Variants in ARL15 observed in about 807,000 individuals in gnomAD.
ARL15 encodes the protein ADP-ribosylation factor-like protein 15.
A neutral mutation model predicts 25.2 loss-of-function variants in ARL15; 19 were observed. The ratio of observed to expected loss-of-function variants is 0.75; its 90% CI spans 0.53 to 1.10. The LOEUF (loss-of-function observed/expected upper bound fraction) is 1.10, where lower values mean the gene tolerates loss of function less well. Among genes scored for constraint, ARL15 ranks in the 50% least tolerant of loss-of-function variants. ARL15 has a pLI of 0.00. For missense variants in ARL15, 220 were observed against 246.0 expected (o/e 0.89, Z 0.71); for synonymous variants, 94 against 86.8 (o/e 1.08, Z -0.46).
rs771075344 is a variant in ARL15, at chr5:53,991,563, G to GAAAAAAAAAAAAAA, written c.463-104851_463-104850insTTTTTTTTTTTTTT. Among the ~76,000 whole-genome samples the GAAAAAAAAAAAAAA allele has an allele frequency of 2.3e-5, 3 of 127,918 alleles. 1 individual carries two copies. Among genetic ancestry groups the GAAAAAAAAAAAAAA allele is most frequent in the Admixed American group, 1.7e-4 (2 of 11,766 alleles). 83.9% of individuals were successfully genotyped at this position (127,918 alleles called of 152,430 possible). A position where few individuals can be genotyped will look rare whatever the true frequency, so the allele number is the denominator to read the frequency against. On this transcript the variant is annotated intron_variant, in intron 4 of 4. Transcript: ENST00000504924. ...ATCTCAAAAAAAAAAAAAAAAAAAG[G>GAAAAAAAAAAAAAA]GGGGGCGGGGGGCAATTGAAGCAAT...
intron 4 of ARL15, among the ~76,000 whole-genome samples, chr5:54,087,279 G>A (rs1751993926): frequency 6.6e-6 from 1 of 151,984 alleles, no homozygotes; most frequent in Admixed American, 6.5e-5. Flanking sequence ...AGTGAACTGA[G>A]ATCAAGCCAC....
At chr5:53,887,951 A>G (rs1342201449) in intron 4 of ARL15, among the ~76,000 whole-genome samples, 1 of 151,586 alleles carries the variant, frequency 6.6e-6, no homozygotes, top group East Asian at 1.9e-4. Flanking sequence ...GCCAGAAGAC[A>G]TATATATCTA....
intron 1 of ARL15, among the ~76,000 whole-genome samples, chr5:54,297,152 T>C (rs1350514410): frequency 6.6e-6 from 1 of 152,230 alleles, no homozygotes; most frequent in Non-Finnish European, 1.5e-5. Flanking sequence ...CCTATTTTTT[T>C]CTACTAAGAG....
chr5:54,134,290 T>C (rs950968333), intron 3 of ARL15, among the ~76,000 whole-genome samples: 5 of 152,156 alleles, frequency 3.3e-5, no homozygotes, highest in Non-Finnish European at 5.9e-5. Context: ...TTCAGGAAAG[T>C]ATTTGACAAG....
intron 4 of ARL15, among the ~76,000 whole-genome samples, chr5:54,100,775 C>T (rs1174511767): frequency 6.6e-6 from 1 of 151,964 alleles, no homozygotes; most frequent in Non-Finnish European, 1.5e-5. Flanking sequence ...AAAGAAAATT[C>T]ATTAAGTTGG....
intron 3 of ARL15, among the ~76,000 whole-genome samples, chr5:54,142,886 G>A (rs1347258544): frequency 6.6e-6 from 1 of 152,060 alleles, no homozygotes; most frequent in Admixed American, 6.5e-5. Flanking sequence ...AAGTTTTATT[G>A]TTTTAGGTTT....
intron 4 of ARL15, among the ~76,000 whole-genome samples, chr5:53,944,976 T>C (rs951703926): frequency 2.6e-5 from 4 of 152,200 alleles, no homozygotes; most frequent in African/African-American, 9.7e-5. Flanking sequence ...AATTGACATT[T>C]AGAAAGAAGG....
intron 1 of ARL15, among the ~76,000 whole-genome samples, chr5:54,204,098 A>G (rs1409978564): frequency 6.6e-6 from 1 of 152,176 alleles, no homozygotes; most frequent in Non-Finnish European, 1.5e-5. Flanking sequence ...TTGAGTGGTA[A>G]AGGACATAGT....
At chr5:54,016,893 T>C (rs183890212) in intron 4 of ARL15, among the ~76,000 whole-genome samples, 109 of 152,328 alleles carry the variant, frequency 7.2e-4, no homozygotes, top group African/African-American at 2.5e-3. Flanking sequence ...CTCCCTCTTA[T>C]TTAAAACAAA....
chr5:54,231,660 G>T (rs970686594), intron 1 of ARL15, among the ~76,000 whole-genome samples: 4 of 152,158 alleles, frequency 2.6e-5, no homozygotes, highest in African/African-American at 9.7e-5. Flanking sequence ...CTGCAGGTCG[G>T]AAAGTCCAAG....
intron 1 of ARL15, among the ~76,000 whole-genome samples, chr5:54,293,905 T>G (rs1485751898): frequency 6.6e-6 from 1 of 152,154 alleles, no homozygotes; most frequent in Non-Finnish European, 1.5e-5. Flanking sequence ...CTCAGCTCAC[T>G]GCAACCTCCG....
At chr5:54,226,091 G>C (rs1388124755) in intron 1 of ARL15, among the ~76,000 whole-genome samples, 1 of 152,120 alleles carries the variant, frequency 6.6e-6, no homozygotes, top group African/African-American at 2.4e-5. Context: ...GACACGGGGG[G>C]AGTGGGAAGG....
intron 4 of ARL15, among the ~76,000 whole-genome samples, chr5:53,940,110 C>G (rs1303177211): frequency 6.6e-6 from 1 of 151,856 alleles, no homozygotes; most frequent in Non-Finnish European, 1.5e-5. Flanking sequence ...TCCCGAGTAG[C>G]TGGGACTACA....
chr5:54,068,544 C>A (rs1332388635), intron 4 of ARL15, among the ~76,000 whole-genome samples: 1 of 152,110 alleles, frequency 6.6e-6, no homozygotes, highest in Middle Eastern at 3.2e-3. Context: ...TATGACATAA[C>A]CCTAGTGAAA....
At chr5:54,231,291 G>A (rs2112555106) in intron 1 of ARL15, among the ~76,000 whole-genome samples, 1 of 152,116 alleles carries the variant, frequency 6.6e-6, no homozygotes, top group East Asian at 1.9e-4. Context: ...CAATTTTCAA[G>A]TCTACAAAAC....
At chr5:54,027,780 A>G (rs557139386) in intron 4 of ARL15, among the ~76,000 whole-genome samples, 3 of 152,256 alleles carry the variant, frequency 2.0e-5, no homozygotes, top group African/African-American at 7.2e-5. Flanking sequence ...ATCAAATACT[A>G]GCCCTCAGGT....
chr5:54,235,692 G>A (rs1756783926), intron 1 of ARL15, among the ~76,000 whole-genome samples: 2 of 152,038 alleles, frequency 1.3e-5, no homozygotes, highest in Non-Finnish European at 2.9e-5. Context: ...GGCTGGTCTC[G>A]AACTCCTGGG....
chr5:54,274,765 A>T (rs965477489), intron 1 of ARL15, among the ~76,000 whole-genome samples: 3 of 152,074 alleles, frequency 2.0e-5, no homozygotes, highest in Admixed American at 2.0e-4. Context: ...ATGGTGGCAC[A>T]CACCTGTAAT....
At chr5:54,298,972 C>T (rs1391982963) in intron 1 of ARL15, among the ~76,000 whole-genome samples, 4 of 151,826 alleles carry the variant, frequency 2.6e-5, no homozygotes, top group African/African-American at 4.8e-5. Flanking sequence ...GGCACAATCA[C>T]GGCTCATTGC....
Sources: gnomAD v4.1 joint callset for allele counts (sites outside exome capture counted in the v4.1 genomes callset) on GRCh38, gnomAD v4.1.1 for gene constraint, MANE v1.5 for transcripts, NCBI Gene and HGNC (gene_info 2026-07-23, HGNC 2026-07-21) for gene names.